Variants in ANKRD33B observed in about 807,000 individuals in gnomAD.
ANKRD33B encodes the protein ankyrin repeat domain-containing protein 33B.
Under a neutral mutation model 21.5 loss-of-function variants are expected in ANKRD33B, and 6 were observed. That is an observed-to-expected ratio of 0.28 (90% CI 0.15 to 0.55). The LOEUF is 0.55. Ranked by LOEUF, ANKRD33B falls within the 20% of genes least tolerant of loss-of-function variation. The pLI, the probability that ANKRD33B is intolerant of heterozygous loss-of-function variation, is 0.94. For missense variants in ANKRD33B, 698 were observed against 747.2 expected (o/e 0.93, Z 0.77); for synonymous variants, 347 against 342.4 (o/e 1.01, Z -0.15).
At chr5:10,580,400 C>A (rs1735418912) in intron 1 of ANKRD33B, among the ~76,000 whole-genome samples, 1 of 152,204 alleles carries the variant, frequency 6.6e-6, no homozygotes, top group South Asian at 2.1e-4. Flanking sequence ...ACCCTAGACC[C>A]CTTGCTGGGG....
intron 1 of ANKRD33B, among the ~76,000 whole-genome samples, chr5:10,590,746 A>C (rs947789824): frequency 6.6e-6 from 1 of 152,014 alleles, no homozygotes; most frequent in East Asian, 1.9e-4. Context: ...CGAGAGTATG[A>C]CCAACTCTGC....
At chr5:10,620,962 C>G (rs1233816948) in intron 2 of ANKRD33B, among the ~76,000 whole-genome samples, 2 of 152,204 alleles carry the variant, frequency 1.3e-5, no homozygotes, top group Non-Finnish European at 2.9e-5. Flanking sequence ...CACTTATTAT[C>G]TGATATTTTT....
intron 2 of ANKRD33B, chr5:10,625,042 A>T (rs895744324): frequency 9.2e-6 from 3 of 326,906 alleles, no homozygotes; most frequent in Non-Finnish European, 1.8e-5. Flanking sequence ...AGACCAGCAG[A>T]GTCACAGACC....
At chr5:10,600,538 A>G (rs1735906712) in intron 1 of ANKRD33B, among the ~76,000 whole-genome samples, 2 of 152,258 alleles carry the variant, frequency 1.3e-5, no homozygotes, top group South Asian at 2.1e-4. Context: ...AAGTTTGATT[A>G]TAGCAGACTT....
Position 10,564,972 on chromosome 5 carries a change from C to T in ANKRD33B, c.366+139C>T, listed in dbSNP as rs1735015462. 6 of 1,251,978 alleles carry T rather than the reference C, an allele frequency of 4.8e-6. 1 individual carries two copies. The highest frequency in any genetic ancestry group is 5.8e-5 in the Admixed American group (2 of 34,410). The allele number at this position is 1,251,978 out of a possible 1,614,324, so 77.6% of individuals were successfully genotyped here. On this transcript the variant is annotated intron_variant, in intron 1 of 3. Transcript: ENST00000296657. ...AGCCGCCGCCCAGAGCGCCTTTTCC[C>T]CGCTGTTTGGGAGCGCGGTGCCCTG...
chr5:10,641,225 C>CTTCTTCTT (rs1553995125), intron 3 of ANKRD33B, among the ~76,000 whole-genome samples: 13 of 77,448 alleles, frequency 1.7e-4, no homozygotes, highest in South Asian at 5.0e-4. Flanking sequence ...TCTTCTTCTT[C>CTTCTTCTT]TTTTTTTTTT....
At chr5:10,593,064 T>C (rs1735731831) in intron 1 of ANKRD33B, among the ~76,000 whole-genome samples, 1 of 152,214 alleles carries the variant, frequency 6.6e-6, no homozygotes, top group South Asian at 2.1e-4. Flanking sequence ...ACCCCTCATA[T>C]TGTCTTCGCT....
intron 1 of ANKRD33B, among the ~76,000 whole-genome samples, chr5:10,572,211 C>T (rs750030596): frequency 6.6e-6 from 1 of 152,110 alleles, no homozygotes; most frequent in Admixed American, 6.5e-5. Context: ...TTTTCTAAAA[C>T]TCCCAGAGTC....
intron 1 of ANKRD33B, among the ~76,000 whole-genome samples, chr5:10,607,451 A>G (rs2126573596): frequency 6.6e-6 from 1 of 152,342 alleles, no homozygotes; most frequent in African/African-American, 2.4e-5. Context: ...ACTTACGTTT[A>G]ATTACCCAAA....
intron 1 of ANKRD33B, among the ~76,000 whole-genome samples, chr5:10,586,165 G>A (rs1735554665): frequency 6.6e-6 from 1 of 151,336 alleles, no homozygotes; most frequent in Non-Finnish European, 1.5e-5. Flanking sequence ...GACACGTGAG[G>A]AATTTGTTCC....
intron 2 of ANKRD33B, among the ~76,000 whole-genome samples, chr5:10,620,879 A>T (rs1041336818): frequency 3.9e-5 from 6 of 152,248 alleles, no homozygotes; most frequent in African/African-American, 1.4e-4. Context: ...GGTGATACTT[A>T]GAGATTGTAT....
At chr5:10,643,344 CA>C (rs1560987036) in intron 3 of ANKRD33B, among the ~76,000 whole-genome samples, 1 of 152,098 alleles carries the variant, frequency 6.6e-6, no homozygotes, top group Non-Finnish European at 1.5e-5. Flanking sequence ...TCAGTTGTGA[CA>C]ACCAAAAATG....
In ANKRD33B at chr5:10,649,768, G is replaced by A; in HGVS notation, c.1140G>A (p.Glu380=). 7.1e-7 allele frequency: 1 copy of A among 1,412,438 alleles called. No individual in the cohort carries two copies. The highest frequency in any genetic ancestry group is 9.2e-7 in the Non-Finnish European group (1 of 1,089,820). 87.5% of individuals were successfully genotyped at this position (1,412,438 alleles called of 1,614,324 possible). The change falls in exon 4 of 4, where the codon GAG becomes GAA. Residue 380 remains glutamate, a synonymous_variant. Coordinates refer to ENST00000296657, the MANE Select transcript of ANKRD33B (RefSeq NM_001164440.2). ...RTGQEDADSR[E]GSPRAGLPPA... ...GACAGGAGGACGCGGACTCCCGGGA[G>A]GGCTCCCCGAGAGCCGGCCTCCCTC...
chr5:10,596,854 A>G (rs1735828935), intron 1 of ANKRD33B, among the ~76,000 whole-genome samples: 1 of 152,218 alleles, frequency 6.6e-6, no homozygotes, highest in South Asian at 2.1e-4. Context: ...ACCTCTCAGC[A>G]GAAACCCCAC....
At chr5:10,573,396 A>G (rs1735243707) in intron 1 of ANKRD33B, among the ~76,000 whole-genome samples, 1 of 146,698 alleles carries the variant, frequency 6.8e-6, no homozygotes, top group Non-Finnish European at 1.5e-5. Flanking sequence ...TAAACCTCGG[A>G]GGCGGGGGTT....
chr5:10,581,507 C>T (rs2126552824), intron 1 of ANKRD33B, among the ~76,000 whole-genome samples: 1 of 152,302 alleles, frequency 6.6e-6, no homozygotes, highest in African/African-American at 2.4e-5. Flanking sequence ...TTGGTCTCCC[C>T]TGGATGGTCT....
In ANKRD33B at chr5:10,564,330, G is replaced by T. The variant is rs975733975; in HGVS notation, c.-138G>T. 14 of 537,014 alleles carry T rather than the reference G, an allele frequency of 2.6e-5. No individual in the cohort carries two copies. Among genetic ancestry groups the T allele is most frequent in the African/African-American group, 2.5e-4 (12 of 48,584 alleles). 33.3% of individuals were successfully genotyped at this position (537,014 alleles called of 1,614,324 possible). On this transcript the variant is annotated 5_prime_UTR_variant, in exon 1 of 4. Coordinates refer to ENST00000296657, the MANE Select transcript of ANKRD33B (RefSeq NM_001164440.2). ...TCTTTGAGCGCAGCCGCCTGGTGCC[G>T]GTTTCCGCCGAGCTGGAGCGCGCGG... is the stretch of plus-strand genomic sequence containing the variant.
At chr5:10,574,544 T>C (rs767637911) in intron 1 of ANKRD33B, among the ~76,000 whole-genome samples, 3 of 152,110 alleles carry the variant, frequency 2.0e-5, no homozygotes, top group African/African-American at 7.2e-5. Context: ...GAAGGAAAAT[T>C]ACAGGTAGCA....
chr5:10,635,472 CCAGCGACTGGCTGTGAGTCACG>C (rs1736834585), intron 2 of ANKRD33B, among the ~76,000 whole-genome samples: 1 of 152,198 alleles, frequency 6.6e-6, no homozygotes, highest in Admixed American at 6.5e-5. Context: ...CAAAAAAGCA[CCAGCGACTGGCTGTGAGTCACG>C]CAGCGAGGGG....
Sources: gnomAD v4.1 joint callset for allele counts (sites outside exome capture counted in the v4.1 genomes callset) on GRCh38, gnomAD v4.1.1 for gene constraint, MANE v1.5 for transcripts, NCBI Gene and HGNC (gene_info 2026-07-23, HGNC 2026-07-21) for gene names.